Variants in RNPEPL1 observed in about 807,000 individuals in gnomAD.
RNPEPL1 encodes the protein arginyl aminopeptidase like 1.
RNPEPL1 carries 46 observed loss-of-function variants against 69.0 expected under a neutral mutation model. That is an observed-to-expected ratio of 0.67 (90% CI 0.53 to 0.85). The LOEUF is 0.85. Among genes scored for constraint, RNPEPL1 ranks in the 40% least tolerant of loss-of-function variants. The pLI is 0.00. For synonymous variants in RNPEPL1, 525 were observed against 454.1 expected, an observed-to-expected ratio of 1.16 and a Z score of -1.98; for missense variants, 869 against 992.5, an observed-to-expected ratio of 0.88 and a Z score of 1.67.
At position 240,568,874 on chromosome 2, in the gene RNPEPL1, C is replaced by A; in HGVS notation, c.288C>A (p.Ala96=). ...HSAAFRRAPA[A]AAETPCAFAF... ...CCGCCTTCCGTCGCGCCCCCGCCGC[C>A]GCCGCCGAGACGCCCTGCGCCTTCG... Residue 96 remains alanine, a synonymous_variant, in exon 1 of 11, where the codon GCC becomes GCA. Coordinates refer to ENST00000270357, the MANE Select transcript of RNPEPL1 (RefSeq NM_018226.6). This position sits in a 1 kb window ranked among gnomAD's most constrained non-coding sequence, Gnocchi z 6.2. 8.1e-7 allele frequency: 1 copy of A among 1,228,016 alleles called. No homozygotes were observed. The highest frequency in any genetic ancestry group is 2.4e-5 in the South Asian group (1 of 40,826). The allele number at this position is 1,228,016 out of a possible 1,614,324, so 76.1% of individuals were successfully genotyped here.
chr2:240,568,990 T>G lies in RNPEPL1; in HGVS notation c.404T>G (p.Leu135Arg). The change falls in exon 1 of 11, where the codon CTG (leucine) becomes CGG (arginine). Residue 135 changes from leucine to arginine, a missense_variant. Around this residue, in one of 2 missense-constraint regions of RNPEPL1, gnomAD observed 259 missense variants for 201.5 expected, o/e 1.29. Coordinates refer to ENST00000270357, the MANE Select transcript of RNPEPL1 (RefSeq NM_018226.6). The surrounding 1 kb of genome is among the most constrained non-coding windows in gnomAD (Gnocchi z 6.2). ...GGCTCCGAGCCCGCCTGCTGTCCGCTGGCCTTCAGGGTGGACCCGTTCACC... is the reference window on the plus strand; with the variant it reads ...GGCTCCGAGCCCGCCTGCTGTCCGCGGGCCTTCAGGGTGGACCCGTTCACC... ...APGSEPACCPLAFRVDPFTDY... is the reference protein window; with the variant it reads ...APGSEPACCPRAFRVDPFTDY... 1 of 1,485,298 alleles carries G rather than the reference T, an allele frequency of 6.7e-7. No individual in the cohort carries two copies. Among genetic ancestry groups the G allele is most frequent in the Non-Finnish European group, 8.9e-7 (1 of 1,124,356 alleles). 92.0% of individuals were successfully genotyped at this position (1,485,298 alleles called of 1,614,324 possible). A position where few individuals can be genotyped will look rare whatever the true frequency, so the allele number is the denominator to read the frequency against.
At chr2:240,575,458 C>T in intron 7 of RNPEPL1, 44 bp from the exon 8 acceptor site, 2 of 1,544,228 alleles carry the variant, frequency 1.3e-6, no homozygotes, top group South Asian at 1.1e-5. Context: ...GCTGCCTGTG[C>T]CCCACCCTTC....
At position 240,574,171 on chromosome 2, in the gene RNPEPL1, C is replaced by G; in HGVS notation, c.997C>G (p.Leu333Val). The G allele has an allele frequency of 6.2e-7, 1 of 1,613,492 alleles. No homozygotes were observed. The highest frequency in any genetic ancestry group is 8.5e-7 in the Non-Finnish European group (1 of 1,179,920). ...CATCGTGGCCATGGAGAACCCCTGC[C>G]TCACCTTCATCATCTCCTCCATCCT... ...FPIVAMENPC[L>V]TFIISSILES... Residue 333 changes from leucine to valine, a missense_variant, in exon 5 of 11, where the codon CTC becomes GTC. Physicochemically the swap from Leu to Val is conservative, Grantham distance 32 (BLOSUM62 1). Transcript: ENST00000270357.
chr2:240,574,775 A>C, intron 6 of RNPEPL1, 147 bp downstream of exon 6: 4 of 756,030 alleles, frequency 5.3e-6, no homozygotes, highest in Non-Finnish European at 8.7e-6. Context: ...GCCCCTGGCC[A>C]GGGCAAGGCC....
chr2:240,569,750 C>T (rs188602549), intron 1 of RNPEPL1, among the ~76,000 whole-genome samples: 2 of 152,326 alleles, frequency 1.3e-5, no homozygotes, highest in Admixed American at 1.3e-4. Context: ...GCCTTTCCTG[C>T]CTACAGCATG....
chr2:240,568,871 C>T lies in RNPEPL1; in HGVS notation c.285C>T (p.Ala95=). 1 of 1,220,366 alleles carries T rather than the reference C, an allele frequency of 8.2e-7. No individual in the cohort carries two copies. Among genetic ancestry groups the T allele is most frequent in the Non-Finnish European group, 1.0e-6 (1 of 975,612 alleles). The allele number at this position is 1,220,366 out of a possible 1,614,324, so 75.6% of individuals were successfully genotyped here. ...CAGCCGCCTTCCGTCGCGCCCCCGC[C>T]GCCGCCGCCGAGACGCCCTGCGCCT... The part of the protein sequence containing the change: ...LHSAAFRRAP[A]AAAETPCAFA... The change falls in exon 1 of 11, where the codon GCC becomes GCT. Residue 95 remains alanine, a synonymous_variant. Transcript: ENST00000270357. This position sits in a 1 kb window ranked among gnomAD's most constrained non-coding sequence, Gnocchi z 6.2.
At chr2:240,572,014 A>C (rs890365875) in intron 1 of RNPEPL1, among the ~76,000 whole-genome samples, 5 of 152,160 alleles carry the variant, frequency 3.3e-5, no homozygotes, top group Non-Finnish European at 2.9e-5. Flanking sequence ...CCTTTTCCTG[A>C]CCATGACCAA....
chr2:240,575,594 C>G lies in RNPEPL1; in HGVS notation c.1494C>G (p.Ser498Arg). The G allele has an allele frequency of 6.2e-7, 1 of 1,613,152 alleles. No homozygotes were observed. The highest frequency in any genetic ancestry group is 8.5e-7 in the Non-Finnish European group (1 of 1,179,894). ...TCTTCCCGGAGCTGAAGGAGCAGAG[C>G]GTGGACTGCCGGGCAGGTGAGGCTG... ...LSFFPELKEQSVDCRAGLEFE... is the reference protein window; with the variant it reads ...LSFFPELKEQRVDCRAGLEFE... The change falls in exon 8 of 11, where the codon AGC becomes AGG. Residue 498 changes from serine to arginine, a missense_variant. This residue lies in a region of RNPEPL1 where 610 missense variants were observed against 790.9 expected (regional missense o/e 0.77). Coordinates refer to ENST00000270357, the MANE Select transcript of RNPEPL1 (RefSeq NM_018226.6).
At chr2:240,573,371 T>G in intron 3 of RNPEPL1, 110 bp downstream of exon 3, 1 of 1,267,030 alleles carries the variant, frequency 7.9e-7, no homozygotes, top group South Asian at 1.5e-5. Context: ...CCCACTGGCC[T>G]CTGGGTGCTC....
chr2:240,574,837 C>T, intron 6 of RNPEPL1, 193 bp from the exon 7 acceptor site: 3 of 660,328 alleles, frequency 4.5e-6, no homozygotes, highest in Non-Finnish European at 8.1e-6. Context: ...GCAGCAGTCA[C>T]AGTGGTGTGT....
At chr2:240,573,398 C>G in intron 3 of RNPEPL1, 137 bp downstream of exon 3, 4 of 1,159,248 alleles carry the variant, frequency 3.5e-6, no homozygotes, top group Non-Finnish European at 4.7e-6. Context: ...AGCCCTGCCC[C>G]TGCCTTGGTG....
At chr2:240,576,134 G>A in intron 8 of RNPEPL1, 1 of 278,996 alleles carries the variant, frequency 3.6e-6, no homozygotes, top group Non-Finnish European at 6.9e-6. Context: ...CTTTTTGTGG[G>A]TAGGGAATGG....
Position 240,576,965 on chromosome 2 carries a change from G to GGGTGCGGCGCTTCCTGGAGAGCCA in RNPEPL1, c.1867_1884+6dup. On this transcript the variant is annotated inframe_insertion, in exon 10 of 11. Transcript: ENST00000270357. ...AACGACTACTATCCTGACCTCCACA[G>GGGTGCGGCGCTTCCTGGAGAGCCA]GGTGCGGCGCTTCCTGGAGAGCCAG... 6.2e-7 allele frequency: 1 copy of GGGTGCGGCGCTTCCTGGAGAGCCA among 1,613,334 alleles called. No individual in the cohort carries two copies. Among genetic ancestry groups the GGGTGCGGCGCTTCCTGGAGAGCCA allele is most frequent in the Non-Finnish European group, 8.5e-7 (1 of 1,179,958 alleles).
chr2:240,578,610 T>C lies in RNPEPL1; in HGVS notation c.*718T>C, dbSNP rs2093045105. On this transcript the variant is annotated 3_prime_UTR_variant, in exon 11 of 11. Coordinates refer to ENST00000270357, the MANE Select transcript of RNPEPL1 (RefSeq NM_018226.6). Reference sequence around the variant, plus strand: ...CCCCAGGGAAAGTGGGAGGTGGTGCTGGTGCTCTCTCCAGGCCCACCATGC... The same window carrying C: ...CCCCAGGGAAAGTGGGAGGTGGTGCCGGTGCTCTCTCCAGGCCCACCATGC... 1 of 152,526 alleles carries C rather than the reference T, an allele frequency of 6.6e-6. No individual in the cohort carries two copies. Among genetic ancestry groups the C allele is most frequent in the Admixed American group, 6.5e-5 (1 of 15,282 alleles). The allele number at this position is 152,526 out of a possible 1,614,324, so 9.4% of individuals were successfully genotyped here. A position where few individuals can be genotyped will look rare whatever the true frequency, so the allele number is the denominator to read the frequency against.
chr2:240,576,974 G>A lies in RNPEPL1; in HGVS notation c.1868G>A (p.Arg623His), dbSNP rs754919014. The A allele has an allele frequency of 2.2e-5, 35 of 1,613,062 alleles. No individual in the cohort carries two copies. The highest frequency in any genetic ancestry group is 2.2e-5 in the East Asian group (1 of 44,892). Residue 623 changes from arginine to histidine, a missense_variant, in exon 10 of 11, where the codon CGC becomes CAC. Coordinates refer to ENST00000270357, the MANE Select transcript of RNPEPL1 (RefSeq NM_018226.6). Reference protein sequence around the residue: ...DYYPDLHRVRRFLESQMSRMY... With the variant: ...DYYPDLHRVRHFLESQMSRMY... The stretch of plus-strand genomic sequence containing the variant: ...TATCCTGACCTCCACAGGGTGCGGC[G>A]CTTCCTGGAGAGCCAGGTGCGGTCA...
chr2:240,572,071 G>A (rs1175308896), intron 1 of RNPEPL1, among the ~76,000 whole-genome samples: 4 of 152,250 alleles, frequency 2.6e-5, no homozygotes, highest in African/African-American at 9.6e-5. Flanking sequence ...CTGTGCCTCA[G>A]TTTCCCTATG....
At chr2:240,576,267 C>G in intron 8 of RNPEPL1, 1 of 552,178 alleles carries the variant, frequency 1.8e-6, no homozygotes, top group South Asian at 2.4e-5. Flanking sequence ...ACTTCATTGT[C>G]TTCCACCCAG....
rs1233269088 is a variant in RNPEPL1 at position 240,574,143 on chromosome 2, C to T, written c.969C>T (p.Phe323=). 4.3e-6 allele frequency: 7 copies of T among 1,613,234 alleles called. No individual in the cohort carries two copies. Among genetic ancestry groups the T allele is most frequent in the African/African-American group, 2.7e-5 (2 of 74,898 alleles). Residue 323 remains phenylalanine, a synonymous_variant, in exon 5 of 11, where the codon TTC becomes TTT. Coordinates refer to ENST00000270357, the MANE Select transcript of RNPEPL1 (RefSeq NM_018226.6). Reference sequence around the variant, plus strand: ...ACATTGTCTTCCTGCCACCCTCCTTCCCCATCGTGGCCATGGAGAACCCCT... The same window carrying T: ...ACATTGTCTTCCTGCCACCCTCCTTTCCCATCGTGGCCATGGAGAACCCCT... ...RYDIVFLPPS[F]PIVAMENPCL... is the part of the protein sequence containing the mutation.
At position 240,580,796 on chromosome 2, in the gene RNPEPL1, G is replaced by A. The variant is rs989560994; in HGVS notation, c.*2904G>A. 2.0e-5 allele frequency: 3 copies of A among 152,242 alleles called. No individual in the cohort carries two copies. The highest frequency in any genetic ancestry group is 7.2e-5 in the African/African-American group (3 of 41,444). 9.4% of individuals were successfully genotyped at this position (152,242 alleles called of 1,614,324 possible). A position where few individuals can be genotyped will look rare whatever the true frequency, so the allele number is the denominator to read the frequency against. On this transcript the variant is annotated 3_prime_UTR_variant, in exon 11 of 11. Coordinates refer to ENST00000270357, the MANE Select transcript of RNPEPL1 (RefSeq NM_018226.6). ...TGGGGATTAGGGCCTAGTCAGGCAG[G>A]TAGGAGATGATGTTCAAAAAGGGAA...
Sources: allele counts gnomAD v4.1 joint callset (sites outside exome capture counted in the v4.1 genomes callset), GRCh38; gene constraint gnomAD v4.1.1; regional missense constraint gnomAD v4.1.1; non-coding constraint Gnocchi (gnomAD v3.1); transcripts MANE v1.5; gene names NCBI Gene and HGNC (gene_info 2026-07-23, HGNC 2026-07-21).